MMP24: variants seen among roughly 807,000 people sequenced by gnomAD.
MMP24 encodes matrix metalloproteinase-24.
A neutral mutation model predicts 62.8 loss-of-function variants in MMP24; 25 were observed. The ratio of observed to expected loss-of-function variants is 0.40; its 90% CI spans 0.29 to 0.56. The LOEUF is 0.56. Among genes scored for constraint, MMP24 ranks in the 20% least tolerant of loss-of-function variants. MMP24 has a pLI of 0.50. For synonymous variants in MMP24, 319 were observed against 350.5 expected (o/e 0.91, Z 1.00); for missense variants, 634 against 853.6 (o/e 0.74, Z 3.21).
chr20:35,264,133 CT>C lies in MMP24; in HGVS notation c.979+182del, dbSNP rs1448208684. On this transcript the variant is annotated intron_variant, in intron 5 of 8. Transcript: ENST00000246186. ...GCCTGGCCAGAGGGCAAGGCTTCCCCTGGCACACCTGGGAAACCTAGGGGAG... is the reference window on the plus strand; with the variant it reads ...GCCTGGCCAGAGGGCAAGGCTTCCCCGGCACACCTGGGAAACCTAGGGGAG... 3 of 625,492 alleles carry C rather than the reference CT, an allele frequency of 4.8e-6. No individual in the cohort carries two copies. The East Asian group carries it at 1.1e-4, about 22-fold the overall frequency. The allele number at this position is 625,492 out of a possible 1,614,324, so 38.7% of individuals were successfully genotyped here.
At chr20:35,261,740 G>A (rs2060603922) in intron 4 of MMP24, among the ~76,000 whole-genome samples, 1 of 149,748 alleles carries the variant, frequency 6.7e-6, no homozygotes, top group Admixed American at 6.7e-5. Context: ...CTGACTGCCA[G>A]TTTGCCAGGA....
rs542196202 is a variant in MMP24, at chr20:35,268,748, T to C, written c.1195-1012T>C. On this transcript the variant is annotated intron_variant, in intron 6 of 8. Transcript: ENST00000246186. ...CATAAGAAAACTGAGGCCTGGAGGCTGGGCGCAGTGGCTCACGCCTTGCAA... is the reference window on the plus strand; with the variant it reads ...CATAAGAAAACTGAGGCCTGGAGGCCGGGCGCAGTGGCTCACGCCTTGCAA... 2.1e-3 allele frequency among the ~76,000 whole-genome samples: 319 copies of C among 152,250 alleles called. 1 individual carries two copies. The highest frequency in any genetic ancestry group is 5.8e-3 in the East Asian group (30 of 5,176).
At chr20:35,262,531 CAGT>C (rs1184990052) in intron 4 of MMP24, among the ~76,000 whole-genome samples, 1 of 151,338 alleles carries the variant, frequency 6.6e-6, no homozygotes, top group Non-Finnish European at 1.5e-5. Context: ...TTCCCTATCT[CAGT>C]AGATGGAGCA....
intron 5 of MMP24, among the ~76,000 whole-genome samples, chr20:35,265,136 G>C (rs528810198): frequency 6.6e-6 from 1 of 152,308 alleles, no homozygotes; most frequent in African/African-American, 2.4e-5. Context: ...ATGCCCCCAG[G>C]GTTTCCAGCT....
In MMP24 at chr20:35,275,884, C is replaced by T; in HGVS notation, c.*1275C>T. On this transcript the variant is annotated 3_prime_UTR_variant, in exon 9 of 9. Transcript: ENST00000246186. ...AAGCTGAGGGGGCTCCCTTTTTGAC[C>T]TTCACTGGCCCGCCCTTCACTGTCT... is the stretch of plus-strand genomic sequence containing the variant. The T allele has an allele frequency of 2.5e-6, 1 of 397,614 alleles. No individual in the cohort carries two copies. Among genetic ancestry groups the T allele is most frequent in the Non-Finnish European group, 4.4e-6 (1 of 225,932 alleles). The allele number at this position is 397,614 out of a possible 1,614,324, so 24.6% of individuals were successfully genotyped here. A position where few individuals can be genotyped will look rare whatever the true frequency, so the allele number is the denominator to read the frequency against.
intron 1 of MMP24, among the ~76,000 whole-genome samples, chr20:35,235,141 C>T (rs1195971095): frequency 6.6e-6 from 1 of 152,234 alleles, no homozygotes; most frequent in East Asian, 1.9e-4. Context: ...GTGGGGCTCA[C>T]ATCTGTAACC....
intron 4 of MMP24, among the ~76,000 whole-genome samples, chr20:35,257,325 C>T (rs930175332): frequency 1.2e-4 from 18 of 152,150 alleles, no homozygotes; most frequent in African/African-American, 2.9e-4. Context: ...GTATCTCTCC[C>T]GTATGTCCTG....
chr20:35,269,918 G>A lies in MMP24; in HGVS notation c.1333+20G>A. The A allele has an allele frequency of 6.4e-7, 1 of 1,551,490 alleles. No homozygotes were observed. The highest frequency in any genetic ancestry group is 8.7e-7 in the Non-Finnish European group (1 of 1,146,826). On this transcript the variant is annotated intron_variant, in intron 7 of 8. Coordinates refer to ENST00000246186, the MANE Select transcript of MMP24 (RefSeq NM_006690.4). The surrounding 1 kb of genome is among the most constrained non-coding windows in gnomAD (Gnocchi z 4.6). ...TCAAAGGTAATGTAGACTGTGCTGT[G>A]GGACAGTTCCCTGCCCAAGGTCTTG...
rs774086599 is a variant in MMP24 at position 35,274,475 on chromosome 20, G to A, written c.1804G>A (p.Ala602Thr). The change falls in exon 9 of 9, where the codon GCC becomes ACC. Residue 602 changes from alanine (A) to threonine (T), a missense_variant. Physicochemically the swap from Ala to Thr is moderately conservative, Grantham distance 58. This residue lies in a region of MMP24 where 399 missense variants were observed against 530.8 expected (regional missense o/e 0.75). Transcript: ENST00000246186. The surrounding 1 kb of genome is among the most constrained non-coding windows in gnomAD (Gnocchi z 5.1). ...TINDVPGSVNAVAVVIPCILS... is the reference protein window; with the variant it reads ...TINDVPGSVNTVAVVIPCILS... ...CAACGATGTGCCGGGCTCCGTGAAC[G>A]CCGTGGCCGTGGTCATCCCCTGCAT... The A allele has an allele frequency of 5.0e-6, 8 of 1,614,058 alleles. No homozygotes were observed. Among genetic ancestry groups the A allele is most frequent in the South Asian group, 1.1e-5 (1 of 91,090 alleles).
intron 4 of MMP24, among the ~76,000 whole-genome samples, 192 bp downstream of exon 4, chr20:35,254,946 G>A (rs1199690991): frequency 6.6e-6 from 1 of 152,340 alleles, no homozygotes; most frequent in Non-Finnish European, 1.5e-5. Flanking sequence ...ATGGAGATGA[G>A]TCAGATCACT....
In MMP24 at chr20:35,226,763, G is replaced by T; in HGVS notation, c.25G>T (p.Ala9Ser). 1 of 500,038 alleles carries T rather than the reference G, an allele frequency of 2.0e-6. No homozygotes were observed. The highest frequency in any genetic ancestry group is 2.2e-6 in the Non-Finnish European group (1 of 459,532). 31.0% of individuals were successfully genotyped at this position (500,038 alleles called of 1,614,324 possible). Residue 9 changes from alanine to serine, a missense_variant, in exon 1 of 9, where the codon GCC (alanine) becomes TCC (serine). Around this residue, in one of 3 missense-constraint regions of MMP24, gnomAD observed 212 missense variants for 259.6 expected, o/e 0.82. Transcript: ENST00000246186. MPRSRGGR[A>S]APGPPPPPPP... ...GATGCCGAGGAGCCGGGGCGGCCGC[G>T]CCGCGCCGGGGCCGCCGCCGCCGCC...
rs987434957 is a variant in MMP24, at chr20:35,276,028, T to C, written c.*1419T>C. ...GGTTCATCAATGCCCACTGGCTCTCTGCCAAAGCCAAAAAGGTGTCAGGCA... is the reference window on the plus strand; with the variant it reads ...GGTTCATCAATGCCCACTGGCTCTCCGCCAAAGCCAAAAAGGTGTCAGGCA... On this transcript the variant is annotated 3_prime_UTR_variant, in exon 9 of 9. Coordinates refer to ENST00000246186, the MANE Select transcript of MMP24 (RefSeq NM_006690.4). The C allele has an allele frequency of 4.3e-5, 17 of 398,530 alleles. No homozygotes were observed. Among genetic ancestry groups the C allele is most frequent in the Non-Finnish European group, 6.6e-5 (15 of 226,136 alleles). The allele number at this position is 398,530 out of a possible 1,614,324, so 24.7% of individuals were successfully genotyped here. A position where few individuals can be genotyped will look rare whatever the true frequency, so the allele number is the denominator to read the frequency against.
chr20:35,264,393 T>C (rs1217930534), intron 5 of MMP24, among the ~76,000 whole-genome samples: 1 of 151,906 alleles, frequency 6.6e-6, no homozygotes, highest in Non-Finnish European at 1.5e-5. Context: ...CTTTGTTCTT[T>C]AAAAAGAAAA....
At chr20:35,259,655 C>T (rs1188942949) in intron 4 of MMP24, among the ~76,000 whole-genome samples, 1 of 152,146 alleles carries the variant, frequency 6.6e-6, no homozygotes, top group East Asian at 1.9e-4. Context: ...ATGCTATCAC[C>T]TTTCGTGGGG....
chr20:35,274,262 ATT>A lies in MMP24; in HGVS notation c.1601-8_1601-7del. 1 of 1,597,294 alleles carries A rather than the reference ATT, an allele frequency of 6.3e-7. No homozygotes were observed. Among genetic ancestry groups the A allele is most frequent in the Non-Finnish European group, 8.5e-7 (1 of 1,173,338 alleles). On this transcript the variant is annotated splice_region_variant and splice_polypyrimidine_tract_variant and intron_variant, in intron 8 of 8. Transcript: ENST00000246186. This position sits in a 1 kb window ranked among gnomAD's most constrained non-coding sequence, Gnocchi z 5.1. Reference sequence around the variant, plus strand: ...TCTGGGAGTGGTGATGCTGGGCTGTATTTCTGCAGATTACACCTATTTCTACA... The same window carrying A: ...TCTGGGAGTGGTGATGCTGGGCTGTATCTGCAGATTACACCTATTTCTACA...
At chr20:35,256,851 G>T (rs73105231) in intron 4 of MMP24, among the ~76,000 whole-genome samples, 1 of 151,952 alleles carries the variant, frequency 6.6e-6, no homozygotes, top group African/African-American at 2.4e-5. Flanking sequence ...TCTGATGCAG[G>T]TGTTCCATCA....
Position 35,267,376 on chromosome 20 carries a change from TCAACACAG to T in MMP24, c.1152_1159del (p.Asn385GlyfsTer11). 6.4e-7 allele frequency: 1 copy of T among 1,574,278 alleles called. No individual in the cohort carries two copies. The highest frequency in any genetic ancestry group is 8.6e-7 in the Non-Finnish European group (1 of 1,160,234). ...AAACCCAACATCTGTGACGGCAACT[TCAACACAG>T]TGGCCCTCTTCCGGGGCGAGATGTT... is the stretch of plus-strand genomic sequence containing the variant. On this transcript the variant is annotated frameshift_variant, in exon 6 of 9. Coordinates refer to ENST00000246186, the MANE Select transcript of MMP24 (RefSeq NM_006690.4). LOFTEE classifies it high-confidence loss of function.
chr20:35,246,370 G>A (rs899261506), intron 1 of MMP24, among the ~76,000 whole-genome samples: 1 of 151,916 alleles, frequency 6.6e-6, no homozygotes, highest in African/African-American at 2.4e-5. Context: ...CCAGCTATTC[G>A]GGAGGCTGAG....
intron 1 of MMP24, among the ~76,000 whole-genome samples, chr20:35,228,216 G>A (rs6060316): frequency 0.025 from 3,849 of 152,268 alleles, 155 homozygotes; most frequent in African/African-American, 0.081. Context: ...AAGTGCAAAT[G>A]TGTGTATTTC....
Sources: allele counts gnomAD v4.1 joint callset (sites outside exome capture counted in the v4.1 genomes callset), GRCh38; gene constraint gnomAD v4.1.1; regional missense constraint gnomAD v4.1.1; non-coding constraint Gnocchi (gnomAD v3.1); transcripts MANE v1.5; gene names NCBI Gene and HGNC (gene_info 2026-07-23, HGNC 2026-07-21).